MELK: variants seen among roughly 807,000 people sequenced by gnomAD.
MELK encodes maternal embryonic leucine zipper kinase, also known as pEg3 kinase.
In MELK, 81 loss-of-function variants were observed where a neutral mutation model predicts 85.0. That is an observed-to-expected ratio of 0.95 (90% CI 0.80 to 1.15). The LOEUF (loss-of-function observed/expected upper bound fraction) is 1.15, where lower values mean the gene tolerates loss of function less well. Ranked by LOEUF, MELK falls within the 50% of genes most tolerant of loss-of-function variation. The probability of loss-of-function intolerance (pLI) is 0.00; values close to 1 mark genes in which losing one functional copy is unlikely to be tolerated. For synonymous variants in MELK, 252 were observed against 265.0 expected (o/e 0.95, Z 0.48); for missense variants, 754 against 777.5 (o/e 0.97, Z 0.36).
At chr9:36,607,250 A>G (rs1825647332) in intron 7 of MELK, among the ~76,000 whole-genome samples, 1 of 152,102 alleles carries the variant, frequency 6.6e-6, no homozygotes, top group African/African-American at 2.4e-5. Context: ...AGCACTGTAG[A>G]ATTGTCTCAT....
chr9:36,676,226 A>G (rs563393493), intron 17 of MELK, among the ~76,000 whole-genome samples: 2 of 152,328 alleles, frequency 1.3e-5, no homozygotes, highest in South Asian at 4.1e-4. Context: ...AGTAAGAAAA[A>G]GAATATTTTG....
chr9:36,620,517 A>G (rs1249802959), intron 8 of MELK, among the ~76,000 whole-genome samples: 2 of 129,426 alleles, frequency 1.5e-5, no homozygotes, highest in African/African-American at 2.8e-5. Context: ...TTCACATTCA[A>G]TTTTTCTTGT....
intron 10 of MELK, 61 bp from the exon 11 acceptor site, chr9:36,642,936 G>T: frequency 8.2e-7 from 1 of 1,214,514 alleles, no homozygotes; most frequent in South Asian, 1.4e-5. Flanking sequence ...ATTTTAAAAT[G>T]TGAAAACATT....
At chr9:36,594,897 A>G in intron 5 of MELK, 126 bp downstream of exon 5, 1 of 1,032,746 alleles carries the variant, frequency 9.7e-7, no homozygotes, top group South Asian at 2.3e-5. Context: ...CTCCAGTCAT[A>G]CCTATCAGAT....
chr9:36,644,916 A>G (rs866614100), intron 11 of MELK, among the ~76,000 whole-genome samples: 1 of 151,788 alleles, frequency 6.6e-6, no homozygotes, highest in East Asian at 1.9e-4. Flanking sequence ...ATAGCATGTC[A>G]GTTTATCCAG....
chr9:36,608,930 A>G (rs920535372), intron 8 of MELK, among the ~76,000 whole-genome samples: 18 of 152,332 alleles, frequency 1.2e-4, no homozygotes, highest in African/African-American at 4.3e-4. Context: ...AAAGCTTAAC[A>G]AAATAAAAAC....
At position 36,643,077 on chromosome 9, in the gene MELK, T is replaced by C; in HGVS notation, c.915T>C (p.Ile305=). ...ACAGGCAAACAATGGAGGATTTAAT[T>C]TCACTGGTAAGAAATACAGCATGGG... The part of the protein sequence containing the change: ...RNNRQTMEDL[I]SLWQYDHLTA... The change falls in exon 11 of 18, where the codon ATT becomes ATC. Residue 305 remains isoleucine (I), a synonymous_variant. Transcript: ENST00000298048. The C allele has an allele frequency of 6.2e-7, 1 of 1,611,996 alleles. No homozygotes were observed.
intron 11 of MELK, among the ~76,000 whole-genome samples, chr9:36,644,209 TTG>T (rs55796800): frequency 0.026 from 3,766 of 145,356 alleles, 64 homozygotes; most frequent in South Asian, 0.09. Context: ...TACCTGTGTT[TTG>T]TGTGTGTGTG....
chr9:36,619,854 A>G (rs1827226575), intron 8 of MELK, among the ~76,000 whole-genome samples: 1 of 152,240 alleles, frequency 6.6e-6, no homozygotes. Context: ...CCAAATGGAT[A>G]GAGCTTTCTG....
At chr9:36,674,578 G>A (rs541948830) in intron 16 of MELK, among the ~76,000 whole-genome samples, 2 of 152,256 alleles carry the variant, frequency 1.3e-5, no homozygotes, top group Admixed American at 6.5e-5. Context: ...TTCTTTAAAA[G>A]GATTGGTAGG....
chr9:36,637,953 G>A (rs1945686744), intron 10 of MELK, among the ~76,000 whole-genome samples: 2 of 152,280 alleles, frequency 1.3e-5, no homozygotes, highest in South Asian at 4.2e-4. Flanking sequence ...AAGATCCTAA[G>A]AAAAGCAGAA....
intron 4 of MELK, among the ~76,000 whole-genome samples, chr9:36,592,867 G>A (rs776617890): frequency 6.6e-5 from 10 of 152,020 alleles, no homozygotes; most frequent in African/African-American, 2.4e-5. Flanking sequence ...ATATACCCAT[G>A]TACCTCCCAC....
At position 36,587,558 on chromosome 9, in the gene MELK, G is replaced by T. The variant is rs187280003; in HGVS notation, c.145-1978G>T. On this transcript the variant is annotated intron_variant, in intron 3 of 17. Coordinates refer to ENST00000298048, the MANE Select transcript of MELK (RefSeq NM_014791.4). Reference sequence around the variant, plus strand: ...TCTTGAACTCCTGACCTCGTGATCCGCCTGCCTCGGCCTCCCAAAGTGCTG... The same window carrying T: ...TCTTGAACTCCTGACCTCGTGATCCTCCTGCCTCGGCCTCCCAAAGTGCTG... 5.0e-3 allele frequency among the ~76,000 whole-genome samples: 760 copies of T among 151,332 alleles called. 8 individuals carry two copies. Among genetic ancestry groups the T allele is most frequent in the Admixed American group, 8.1e-3 (122 of 15,146 alleles).
chr9:36,624,548 A>G (rs1035858058), intron 8 of MELK, among the ~76,000 whole-genome samples: 1 of 152,158 alleles, frequency 6.6e-6, no homozygotes, highest in Admixed American at 6.6e-5. Context: ...TTCTTTCTGG[A>G]TAGGATTGCT....
chr9:36,594,525 C>T (rs1261579134), intron 4 of MELK, 103 bp from the exon 5 acceptor site: 5 of 1,353,030 alleles, frequency 3.7e-6, no homozygotes, highest in South Asian at 1.4e-5. Context: ...CCTATAAAGT[C>T]GAATTAATAA....
intron 7 of MELK, among the ~76,000 whole-genome samples, chr9:36,604,966 G>T (rs1327115988): frequency 6.7e-6 from 1 of 150,244 alleles, no homozygotes; most frequent in African/African-American, 2.5e-5. Flanking sequence ...TTATTTTTTT[G>T]AGACGAAGTC....
intron 2 of MELK, among the ~76,000 whole-genome samples, chr9:36,582,014 C>G (rs2135002954): frequency 6.6e-6 from 1 of 151,932 alleles, no homozygotes; most frequent in East Asian, 1.9e-4. Context: ...GTCGCCCAGG[C>G]TGGATGGAGT....
intron 8 of MELK, among the ~76,000 whole-genome samples, chr9:36,613,868 G>A (rs1826281560): frequency 3.3e-5 from 5 of 152,102 alleles, no homozygotes; most frequent in African/African-American, 9.7e-5. Context: ...GCTTTGGGCT[G>A]GGTAGGCTCT....
intron 1 of MELK, among the ~76,000 whole-genome samples, chr9:36,573,352 G>A (rs75870583): frequency 2.0e-5 from 3 of 152,052 alleles, no homozygotes; most frequent in Admixed American, 2.0e-4. Context: ...TTGACAGAAG[G>A]GTTTCGAGTT....
Sources: allele counts gnomAD v4.1 joint callset (sites outside exome capture counted in the v4.1 genomes callset), GRCh38; gene constraint gnomAD v4.1.1; transcripts MANE v1.5; gene names NCBI Gene and HGNC (gene_info 2026-07-23, HGNC 2026-07-21).